Variants in ITPK1 observed in about 807,000 individuals in gnomAD.
ITPK1 encodes the protein inositol 1,3,4-trisphosphate 5/6-kinase.
A neutral mutation model predicts 45.3 loss-of-function variants in ITPK1; 21 were observed. That is an observed-to-expected ratio of 0.46 (90% CI 0.33 to 0.67). ITPK1 has a LOEUF of 0.67. Ranked by LOEUF, ITPK1 falls within the 30% of genes least tolerant of loss-of-function variation. The pLI, the probability that ITPK1 is intolerant of heterozygous loss-of-function variation, is 0.02. For synonymous variants in ITPK1, 258 were observed against 253.6 expected, an observed-to-expected ratio of 1.02 and a Z score of -0.16; for missense variants, 474 against 573.5, an observed-to-expected ratio of 0.83 and a Z score of 1.77.
intron 5 of ITPK1, among the ~76,000 whole-genome samples, chr14:92,975,274 C>T (rs370117302): frequency 6.6e-6 from 1 of 152,242 alleles, no homozygotes; most frequent in Non-Finnish European, 1.5e-5. Context: ...AATCAAGCTC[C>T]GCCACAGGGT....
rs546578814 is a variant in ITPK1 at position 93,079,048 on chromosome 14, G to A, written c.96-2429C>T. 1.3e-3 allele frequency among the ~76,000 whole-genome samples: 192 copies of A among 152,232 alleles called. 2 individuals carry two copies. Among genetic ancestry groups the A allele is most frequent in the African/African-American group, 4.3e-3 (178 of 41,534 alleles). On this transcript the variant is annotated intron_variant, in intron 2 of 10. Coordinates refer to ENST00000267615, the MANE Select transcript of ITPK1 (RefSeq NM_014216.6). ...CTGCTGGCATCTGGGTTATCCCAGC[G>A]TGTGACTCTCCTCTCTTTACTGAGG...
intron 3 of ITPK1, among the ~76,000 whole-genome samples, chr14:93,046,530 T>C (rs945651167): frequency 2.7e-5 from 4 of 145,882 alleles, no homozygotes; most frequent in Non-Finnish European, 4.5e-5. Context: ...CTTTCCTAAG[T>C]GCTCTGGGCT....
intron 7 of ITPK1, among the ~76,000 whole-genome samples, chr14:92,960,226 G>A (rs988744805): frequency 1.3e-5 from 2 of 152,156 alleles, no homozygotes; most frequent in Admixed American, 1.3e-4. Flanking sequence ...GGAGCCAGGC[G>A]GCTAGAATGA....
At chr14:92,987,174 G>T (rs1250019855) in intron 5 of ITPK1, among the ~76,000 whole-genome samples, 1 of 152,268 alleles carries the variant, frequency 6.6e-6, no homozygotes, top group Non-Finnish European at 1.5e-5. Context: ...CTGCTGGAGG[G>T]AGAGTGGGGA....
At chr14:92,976,168 T>C (rs1194946891) in intron 5 of ITPK1, among the ~76,000 whole-genome samples, 2 of 152,208 alleles carry the variant, frequency 1.3e-5, no homozygotes, top group African/African-American at 4.8e-5. Context: ...ATACAGACTA[T>C]AACTTACACC....
At chr14:93,090,725 C>T (rs1891834523) in intron 2 of ITPK1, among the ~76,000 whole-genome samples, 1 of 152,164 alleles carries the variant, frequency 6.6e-6, no homozygotes, top group African/African-American at 2.4e-5. Context: ...AGGGATAAGA[C>T]TATTCCTGTG....
intron 2 of ITPK1, among the ~76,000 whole-genome samples, chr14:93,086,317 C>T (rs1051553198): frequency 2.6e-5 from 4 of 152,230 alleles, no homozygotes; most frequent in African/African-American, 9.6e-5. Context: ...CCAGAGGAGA[C>T]CGAAAGACTT....
At position 92,941,808 on chromosome 14, in the gene ITPK1, A is replaced by T. The variant is rs1374974130; in HGVS notation, c.998T>A (p.Val333Glu). ...AAGCTTGCTGTGCCTCAGCAGGGCC[A>T]CGTCCCCTGTGGCTGCCATGGCTGT... ...QSTAMAATGD[V>E]ALLRHSKLLA... The change falls in exon 11 of 11, where the codon GTG (valine) becomes GAG (glutamate). Residue 333 changes from valine to glutamate, a missense_variant. Physicochemically the swap from Val to Glu is moderately radical, Grantham distance 121 (BLOSUM62 -2). Transcript: ENST00000267615. The T allele has an allele frequency of 6.2e-7, 1 of 1,611,684 alleles. No individual in the cohort carries two copies. Among genetic ancestry groups the T allele is most frequent in the Admixed American group, 1.7e-5 (1 of 59,924 alleles).
intron 3 of ITPK1, among the ~76,000 whole-genome samples, chr14:93,033,811 G>A (rs989715479): frequency 6.6e-6 from 1 of 152,226 alleles, no homozygotes. Flanking sequence ...ATGTGGGTGT[G>A]TGGTGGGGCA....
rs542761478 is a variant in ITPK1, at chr14:92,985,554, G to A, written c.364+8326C>T. 9.2e-5 allele frequency among the ~76,000 whole-genome samples: 14 copies of A among 151,586 alleles called. No individual in the cohort carries two copies. In the South Asian group the frequency reaches 1.9e-3, roughly 20 times the overall value. On this transcript the variant is annotated intron_variant, in intron 5 of 10. Transcript: ENST00000267615. ...CCAATAAAGAGATTTTTAAAAGCCC[G>A]CTTGTGTTACATGATTGGTCACCCT...
Position 92,978,843 on chromosome 14 carries a change from GGGC to G in ITPK1, c.364+15034_364+15036del, listed in dbSNP as rs1461450910. On this transcript the variant is annotated intron_variant, in intron 5 of 10. Coordinates refer to ENST00000267615, the MANE Select transcript of ITPK1 (RefSeq NM_014216.6). ...GAGCCCTCATGGAAAACCTCTGCTAGGGCAGTGCAGAGAGTAAATGTGATGTTA... is the reference window on the plus strand; with the variant it reads ...GAGCCCTCATGGAAAACCTCTGCTAGAGTGCAGAGAGTAAATGTGATGTTA... 2.0e-5 allele frequency among the ~76,000 whole-genome samples: 3 copies of G among 152,322 alleles called. No individual in the cohort carries two copies. In the East Asian group the frequency reaches 5.8e-4, roughly 29 times the overall value.
intron 2 of ITPK1, among the ~76,000 whole-genome samples, chr14:93,098,178 C>T (rs189266990): frequency 3.3e-5 from 5 of 151,764 alleles, no homozygotes; most frequent in South Asian, 2.1e-4. Flanking sequence ...AATTAATGGC[C>T]GGGTGCGGTG....
chr14:92,964,007 G>A (rs572529108), intron 5 of ITPK1, among the ~76,000 whole-genome samples: 1 of 152,188 alleles, frequency 6.6e-6, no homozygotes, highest in South Asian at 2.1e-4. Context: ...TGGCTGGCTA[G>A]GAGGTCAGGA....
intron 3 of ITPK1, among the ~76,000 whole-genome samples, chr14:93,025,321 G>A (rs1273102739): frequency 6.6e-6 from 1 of 152,230 alleles, no homozygotes; most frequent in East Asian, 1.9e-4. Context: ...CCACGTTGCT[G>A]TCTTTCTACT....
At chr14:93,000,837 G>GCC (rs527467353) in intron 4 of ITPK1, among the ~76,000 whole-genome samples, 24 of 152,090 alleles carry the variant, frequency 1.6e-4, no homozygotes, top group Non-Finnish European at 2.6e-4. Flanking sequence ...CGTGCATGGT[G>GCC]GTGCACACCT....
At chr14:93,109,602 T>C (rs1566791043) in intron 2 of ITPK1, among the ~76,000 whole-genome samples, 1 of 152,136 alleles carries the variant, frequency 6.6e-6, no homozygotes, top group Non-Finnish European at 1.5e-5. Flanking sequence ...ACAAGTAGCA[T>C]CTTAACATAA....
rs1232204200 is a variant in ITPK1 at position 92,958,984 on chromosome 14, G to A, written c.505-618C>T. 1.3e-5 allele frequency among the ~76,000 whole-genome samples: 2 copies of A among 152,180 alleles called. No homozygotes were observed. Among genetic ancestry groups the A allele is most frequent in the Non-Finnish European group, 2.9e-5 (2 of 68,040 alleles). On this transcript the variant is annotated intron_variant, in intron 7 of 10. Coordinates refer to ENST00000267615, the MANE Select transcript of ITPK1 (RefSeq NM_014216.6). This position sits in a 1 kb window ranked among gnomAD's most constrained non-coding sequence, Gnocchi z 4.4. The stretch of plus-strand genomic sequence containing the variant: ...TCAGTGACTGCTGGACAGTGAGTGA[G>A]CCCGGGATGGAACTGGGTCTGCACA...
intron 3 of ITPK1, among the ~76,000 whole-genome samples, chr14:93,037,234 G>A (rs574727412): frequency 3.9e-5 from 6 of 152,192 alleles, no homozygotes; most frequent in Non-Finnish European, 5.9e-5. Flanking sequence ...TGGTCAACAG[G>A]GCAGTGTTGA....
intron 3 of ITPK1, among the ~76,000 whole-genome samples, chr14:93,020,794 C>T (rs958193116): frequency 6.6e-6 from 1 of 152,156 alleles, no homozygotes; most frequent in African/African-American, 2.4e-5. Context: ...CTAGGAACCT[C>T]AGTTTCCTTG....
Sources: gnomAD v4.1 joint callset for allele counts (sites outside exome capture counted in the v4.1 genomes callset) on GRCh38, gnomAD v4.1.1 for gene constraint, Gnocchi (gnomAD v3.1) non-coding constraint, MANE v1.5 for transcripts, NCBI Gene and HGNC (gene_info 2026-07-23, HGNC 2026-07-21) for gene names.